The following SATB1 variants were observed in gnomAD, a reference collection of about 807,000 sequenced individuals.
The protein encoded by SATB1 is SATB homeobox 1, also known as DNA-binding protein SATB1.
Under a neutral mutation model 86.9 loss-of-function variants are expected in SATB1, and 11 were observed. That is an observed-to-expected ratio of 0.13 (90% confidence interval 0.08 to 0.21). The LOEUF (loss-of-function observed/expected upper bound fraction) is 0.21. Among genes scored for constraint, SATB1 ranks in the 10% least tolerant of loss-of-function variants. The pLI is 1.00. For missense variants in SATB1, 551 were observed against 937.6 expected, an observed-to-expected ratio of 0.59 and a Z score of 5.39; for synonymous variants, 357 against 357.2, an observed-to-expected ratio of 1.00 and a Z score of 0.01.
At chr3:18,417,300 G>A in intron 2 of SATB1, 2 of 581,890 alleles carry the variant, frequency 3.4e-6, no homozygotes, top group Non-Finnish European at 6.0e-6. Context: ...TATGAACTTG[G>A]TCCTAAGGTA....
intron 5 of SATB1, 199 bp downstream of exon 5, chr3:18,414,912 C>G (rs2125157509): frequency 1.9e-6 from 1 of 527,490 alleles, no homozygotes; most frequent in Non-Finnish European, 3.3e-6. Context: ...GCCTCTTTTC[C>G]CCAAGGGAGA....
intron 5 of SATB1, among the ~76,000 whole-genome samples, chr3:18,399,473 T>C (rs538602990): frequency 6.6e-6 from 1 of 152,318 alleles, no homozygotes; most frequent in African/African-American, 2.4e-5. Flanking sequence ...GAAGGAAGAA[T>C]CATCCATGGT....
At chr3:18,406,027 T>C (rs1417515938) in intron 5 of SATB1, among the ~76,000 whole-genome samples, 2 of 151,982 alleles carry the variant, frequency 1.3e-5, no homozygotes, top group Non-Finnish European at 2.9e-5. Context: ...ATGATAAAAA[T>C]GTGTTGGAAT....
intron 9 of SATB1, among the ~76,000 whole-genome samples, chr3:18,373,566 G>C (rs1178002322): frequency 1.3e-5 from 2 of 152,106 alleles, no homozygotes; most frequent in East Asian, 3.9e-4. Flanking sequence ...TTTGCGACAC[G>C]TGTCTTACTT....
intron 8 of SATB1, among the ~76,000 whole-genome samples, chr3:18,382,339 A>C (rs1451180997): frequency 6.6e-6 from 1 of 152,232 alleles, no homozygotes; most frequent in African/African-American, 2.4e-5. Flanking sequence ...AAAAGCTGTA[A>C]CTCAGTAATT....
intron 5 of SATB1, chr3:18,409,398 A>C (rs1697714095): frequency 6.6e-6 from 1 of 152,062 alleles, no homozygotes; most frequent in South Asian, 2.1e-4. Flanking sequence ...TGTAGATTAT[A>C]CACATTATAA....
At chr3:18,419,887 G>A (rs1406849405) in intron 2 of SATB1, among the ~76,000 whole-genome samples, 2 of 152,194 alleles carry the variant, frequency 1.3e-5, no homozygotes, top group Admixed American at 6.5e-5. Context: ...ATGATTGTAT[G>A]ATAAATGTTA....
chr3:18,384,840 G>C (rs755945582), intron 8 of SATB1, among the ~76,000 whole-genome samples: 4 of 152,058 alleles, frequency 2.6e-5, no homozygotes, highest in Non-Finnish European at 4.4e-5. Flanking sequence ...CTTTGTGTGC[G>C]TGGGCAGGTG....
In SATB1 at chr3:18,393,569, A is replaced by G. The variant is rs192971626; in HGVS notation, c.1206+893T>C. On this transcript the variant is annotated intron_variant, in intron 7 of 10. Coordinates refer to ENST00000338745, the MANE Select transcript of SATB1 (RefSeq NM_002971.6). The stretch of plus-strand genomic sequence containing the variant: ...TTCCAGGCTGATAGATAGTACCTTC[A>G]CAGGAATTGGGCCAGGAAGACAAAG... Among the ~76,000 whole-genome samples the G allele has an allele frequency of 6.6e-4, 100 of 152,298 alleles. 1 individual carries two copies. In the East Asian group the frequency reaches 0.018, roughly 28 times the overall value.
Position 18,444,820 on chromosome 3 carries a change from A to G in SATB1, c.-25+698T>C. On this transcript the variant is annotated intron_variant, in intron 1 of 3. Coordinates refer to the SATB1 transcript ENST00000415069. The surrounding 1 kb of genome is among the most constrained non-coding windows in gnomAD (Gnocchi z 5.1). ...TTCCCCATACGAAGTGGGCGTTTAA[A>G]GGGGAGAGCGAGGCGAGGAGCGAGC... 4.7e-6 allele frequency: 1 copy of G among 213,292 alleles called. No homozygotes were observed. Among genetic ancestry groups the G allele is most frequent in the Non-Finnish European group, 7.8e-6 (1 of 127,676 alleles). The allele number at this position is 213,292 out of a possible 1,614,324, so 13.2% of individuals were successfully genotyped here. A position where few individuals can be genotyped will look rare whatever the true frequency, so the allele number is the denominator to read the frequency against.
At chr3:18,441,397 C>T (rs1699240927), upstream of SATB1, among the ~76,000 whole-genome samples, 1 of 152,036 alleles carries the variant, frequency 6.6e-6, no homozygotes, top group South Asian at 2.1e-4. Flanking sequence ...TTCTGATAAT[C>T]AATATATTGA....
rs1395925401 is a variant in SATB1 at position 18,444,665 on chromosome 3, G to C, written c.-25+853C>G. 9.1e-6 allele frequency: 9 copies of C among 984,202 alleles called. No homozygotes were observed. Among genetic ancestry groups the C allele is most frequent in the Admixed American group, 6.2e-5 (1 of 16,214 alleles). The allele number at this position is 984,202 out of a possible 1,614,324, so 61.0% of individuals were successfully genotyped here. ...CGAGTGCGGGCCTGAAACCAAGAACGGCTCCCCGGGCGGGCGCGCCGGCGT... is the reference window on the plus strand; with the variant it reads ...CGAGTGCGGGCCTGAAACCAAGAACCGCTCCCCGGGCGGGCGCGCCGGCGT... On this transcript the variant is annotated intron_variant, in intron 1 of 3. Coordinates refer to the SATB1 transcript ENST00000415069. This position sits in a 1 kb window ranked among gnomAD's most constrained non-coding sequence, Gnocchi z 5.1.
upstream of SATB1, among the ~76,000 whole-genome samples, chr3:18,429,387 C>T (rs1244996154): frequency 2.6e-5 from 4 of 152,196 alleles, no homozygotes; most frequent in African/African-American, 9.7e-5. This position sits in a 1 kb window ranked among gnomAD's most constrained non-coding sequence, Gnocchi z 4.1. Flanking sequence ...AAACATTGCA[C>T]GCTTCTTCTC....
chr3:18,410,876 T>C (rs1697800779), intron 5 of SATB1: 2 of 379,220 alleles, frequency 5.3e-6, no homozygotes, highest in Non-Finnish European at 9.3e-6. Context: ...CAATATCATT[T>C]ATAATACAGA....
intron 2 of SATB1, among the ~76,000 whole-genome samples, chr3:18,431,480 G>A (rs1559465633): frequency 6.6e-6 from 1 of 152,152 alleles, no homozygotes; most frequent in Admixed American, 6.5e-5. Flanking sequence ...GTCTTAGGAC[G>A]TAAAACCAGG....
Position 18,349,778 on chromosome 3 carries a change from T to C in SATB1, c.1780-96A>G. ...GAAAAATGTGGTCCCGGATCCTACA[T>C]ATAGCTTCTTTGATAGGGATGAAGA... On this transcript the variant is annotated intron_variant, in intron 10 of 10. Coordinates refer to ENST00000338745, the MANE Select transcript of SATB1 (RefSeq NM_002971.6). This position sits in a 1 kb window ranked among gnomAD's most constrained non-coding sequence, Gnocchi z 5.5. 1.1e-5 allele frequency: 16 copies of C among 1,463,822 alleles called. No individual in the cohort carries two copies. Among genetic ancestry groups the C allele is most frequent in the Admixed American group, 2.5e-5 (1 of 39,732 alleles). The allele number at this position is 1,463,822 out of a possible 1,614,324, so 90.7% of individuals were successfully genotyped here. A position where few individuals can be genotyped will look rare whatever the true frequency, so the allele number is the denominator to read the frequency against.
chr3:18,349,781 A>G lies in SATB1; in HGVS notation c.1780-99T>C, dbSNP rs1041826423. 2.1e-6 allele frequency: 3 copies of G among 1,460,576 alleles called. No individual in the cohort carries two copies. In the African/African-American group the frequency reaches 4.3e-5, roughly 21 times the overall value. The allele number at this position is 1,460,576 out of a possible 1,614,324, so 90.5% of individuals were successfully genotyped here. ...AAATGTGGTCCCGGATCCTACATAT[A>G]GCTTCTTTGATAGGGATGAAGATTT... On this transcript the variant is annotated intron_variant, in intron 10 of 10. Coordinates refer to ENST00000338745, the MANE Select transcript of SATB1 (RefSeq NM_002971.6). This position sits in a 1 kb window ranked among gnomAD's most constrained non-coding sequence, Gnocchi z 5.5.
At position 18,419,321 on chromosome 3, in the gene SATB1, C is replaced by A. The variant is rs368361126; in HGVS notation, c.211+1436G>T. ...CCAACTACAGCAACTTCATAACCTT[C>A]CAGCATTTAAAGGGGAGAGCACTGG... On this transcript the variant is annotated intron_variant, in intron 2 of 10. Transcript: ENST00000338745. Among the ~76,000 whole-genome samples, 21 of 152,260 alleles carry A rather than the reference C, an allele frequency of 1.4e-4. No individual in the cohort carries two copies. The South Asian group carries it at 3.7e-3, about 27-fold the overall frequency.
At chr3:18,363,339 TG>T (rs956341899) in intron 9 of SATB1, among the ~76,000 whole-genome samples, 21 of 152,118 alleles carry the variant, frequency 1.4e-4, no homozygotes, top group Admixed American at 1.2e-3. Context: ...TGGCTTAATT[TG>T]AAAGACCCAA....
Sources: gnomAD v4.1 joint callset for allele counts (sites outside exome capture counted in the v4.1 genomes callset) on GRCh38, gnomAD v4.1.1 for gene constraint, Gnocchi (gnomAD v3.1) non-coding constraint, MANE v1.5 for transcripts, NCBI Gene and HGNC (gene_info 2026-07-23, HGNC 2026-07-21) for gene names.